BCL7A: variants seen among roughly 807,000 people sequenced by gnomAD.
BCL7A encodes the protein B-cell CLL/lymphoma 7 protein family member A.
BCL7A carries 11 observed loss-of-function variants against 28.4 expected under a neutral mutation model. The ratio of observed to expected loss-of-function variants is 0.39; its 90% confidence interval spans 0.24 to 0.64. BCL7A has a LOEUF of 0.64. Among genes scored for constraint, BCL7A ranks in the 30% least tolerant of loss-of-function variants. The pLI, the probability that BCL7A is intolerant of heterozygous loss-of-function variation, is 0.50. For synonymous variants in BCL7A, 123 were observed against 103.3 expected, an observed-to-expected ratio of 1.19 and a Z score of -1.15; for missense variants, 222 against 274.8, an observed-to-expected ratio of 0.81 and a Z score of 1.36.
chr12:122,044,153 C>T (rs766631450), intron 4 of BCL7A, 100 bp downstream of exon 4: 1 of 1,370,026 alleles, frequency 7.3e-7, no homozygotes, highest in Admixed American at 2.5e-5. Context: ...ATGTGCCAGC[C>T]CCAGCAAGGA....
chr12:122,054,134 T>A (rs757983755), intron 4 of BCL7A, among the ~76,000 whole-genome samples: 1 of 152,302 alleles, frequency 6.6e-6, no homozygotes, highest in East Asian at 1.9e-4. Context: ...ACCCAAGCTT[T>A]AGTGCAGTGG....
chr12:122,051,388 C>A (rs1884188468), intron 4 of BCL7A, among the ~76,000 whole-genome samples: 1 of 152,236 alleles, frequency 6.6e-6, no homozygotes, highest in South Asian at 2.1e-4. Flanking sequence ...GTTGACCTTG[C>A]TTTGAACTTG....
At position 122,061,164 on chromosome 12, in the gene BCL7A, G is replaced by A. The variant is rs1170829383; in HGVS notation, c.*2001G>A. On this transcript the variant is annotated 3_prime_UTR_variant, in exon 6 of 6. Coordinates refer to ENST00000261822, the MANE Select transcript of BCL7A (RefSeq NM_001024808.3). ...TCCATCTTGGTGAGAGATGAATTTG[G>A]ATATTTATTTCCTTCTCTGTTTTTG... is the stretch of plus-strand genomic sequence containing the variant. The A allele has an allele frequency of 8.8e-6, 2 of 226,396 alleles. No homozygotes were observed. Among genetic ancestry groups the A allele is most frequent in the Admixed American group, 5.7e-5 (1 of 17,552 alleles). 14.0% of individuals were successfully genotyped at this position (226,396 alleles called of 1,614,324 possible).
chr12:122,026,806 C>A (rs1047762119), intron 1 of BCL7A, among the ~76,000 whole-genome samples: 1 of 152,168 alleles, frequency 6.6e-6, no homozygotes, highest in Admixed American at 6.5e-5. Flanking sequence ...TGGTGGGTAA[C>A]CCTAAGATGG....
chr12:122,023,379 GGGATGTTTA>G (rs2135834476), intron 1 of BCL7A, among the ~76,000 whole-genome samples: 1 of 152,338 alleles, frequency 6.6e-6, no homozygotes, highest in African/African-American at 2.4e-5. Flanking sequence ...CCTGTGGCAG[GGGATGTTTA>G]CGTTTGGGGG....
intron 4 of BCL7A, among the ~76,000 whole-genome samples, chr12:122,053,795 C>G (rs922143317): frequency 2.0e-5 from 3 of 150,236 alleles, no homozygotes; most frequent in Non-Finnish European, 4.4e-5. Flanking sequence ...GTTCATTCTA[C>G]TGGCGATTCC....
At chr12:122,023,815 A>G (rs532276647) in intron 1 of BCL7A, among the ~76,000 whole-genome samples, 1 of 152,200 alleles carries the variant, frequency 6.6e-6, no homozygotes, top group Non-Finnish European at 1.5e-5. Flanking sequence ...CCCCGCGGGA[A>G]GCCCGGAGTT....
chr12:122,049,051 TATACATATAC>T (rs1345060272), intron 4 of BCL7A, among the ~76,000 whole-genome samples: 3 of 116,906 alleles, frequency 2.6e-5, no homozygotes, highest in African/African-American at 1.1e-4. Context: ...TATATATATA[TATACATATAC>T]ACACACACAA....
rs28643366 is a variant in BCL7A at position 122,061,195 on chromosome 12, C to G, written c.*2032C>G. 1.8e-5 allele frequency: 4 copies of G among 227,798 alleles called. No individual in the cohort carries two copies. Among genetic ancestry groups the G allele is most frequent in the Admixed American group, 5.7e-5 (1 of 17,554 alleles). 14.1% of individuals were successfully genotyped at this position (227,798 alleles called of 1,614,324 possible). A position where few individuals can be genotyped will look rare whatever the true frequency, so the allele number is the denominator to read the frequency against. ...TATTTCCTTCTCTGTTTTTGGGAAA[C>G]GAGAGGCTACAACCAAGACAGCTGA... On this transcript the variant is annotated 3_prime_UTR_variant, in exon 6 of 6. Coordinates refer to ENST00000261822, the MANE Select transcript of BCL7A (RefSeq NM_001024808.3).
chr12:122,048,423 T>C (rs1192139110), intron 4 of BCL7A, among the ~76,000 whole-genome samples: 1 of 152,042 alleles, frequency 6.6e-6, no homozygotes, highest in African/African-American at 2.4e-5. Context: ...GGAATGCTTC[T>C]TGGAGGAGTT....
chr12:122,045,106 C>T (rs1002824117), intron 4 of BCL7A, among the ~76,000 whole-genome samples: 9 of 152,008 alleles, frequency 5.9e-5, no homozygotes, highest in South Asian at 2.1e-4. Flanking sequence ...GGGCACCAGG[C>T]GCGGTGGCTC....
intron 1 of BCL7A, among the ~76,000 whole-genome samples, chr12:122,023,941 G>A (rs1167030201): frequency 6.6e-6 from 1 of 152,206 alleles, no homozygotes; most frequent in South Asian, 2.1e-4. Flanking sequence ...TTCTCTGCTC[G>A]AGGAGGCGTG....
chr12:122,028,649 T>A (rs758889856), intron 1 of BCL7A, among the ~76,000 whole-genome samples: 1 of 152,156 alleles, frequency 6.6e-6, no homozygotes, highest in Non-Finnish European at 1.5e-5. Context: ...CTAATTCTCT[T>A]CTGCCACTTC....
At position 122,054,882 on chromosome 12, in the gene BCL7A, T is replaced by C. The variant is rs766268674; in HGVS notation, c.517T>C (p.Ser173Pro). The change falls in exon 5 of 6, where the codon TCT (serine) becomes CCT (proline). Residue 173 changes from serine to proline, a missense_variant. This residue lies in a region of BCL7A where 155 missense variants were observed against 145.7 expected (regional missense o/e 1.06). Transcript: ENST00000261822. ...CTCAGAGAAAGTAGATCGGCAGCCG[T>C]CTGGAGACTCGGGTCTGGCCGCAGA... ...NSSEKVDRQP[S>P]GDSGLAAETS... 2 of 1,614,096 alleles carry C rather than the reference T, an allele frequency of 1.2e-6. No individual in the cohort carries two copies. Among genetic ancestry groups the C allele is most frequent in the Non-Finnish European group, 1.7e-6 (2 of 1,180,022 alleles).
chr12:122,031,658 C>G (rs761978184), intron 2 of BCL7A, among the ~76,000 whole-genome samples: 1 of 152,206 alleles, frequency 6.6e-6, no homozygotes, highest in Non-Finnish European at 1.5e-5. Flanking sequence ...GTTCTCTCTG[C>G]GCTTGGAGAG....
chr12:122,041,696 C>A (rs756389822), intron 3 of BCL7A, among the ~76,000 whole-genome samples: 3 of 152,082 alleles, frequency 2.0e-5, no homozygotes, highest in African/African-American at 7.2e-5. Context: ...CCTAGGAGTT[C>A]GAGGCTGCAG....
chr12:122,050,449 A>G (rs1430912666), intron 4 of BCL7A, among the ~76,000 whole-genome samples: 2 of 152,202 alleles, frequency 1.3e-5, no homozygotes, highest in Non-Finnish European at 2.9e-5. Context: ...GCTTTGCCAT[A>G]GCCTTCGCTG....
At chr12:122,024,308 G>A (rs1311923768) in intron 1 of BCL7A, among the ~76,000 whole-genome samples, 1 of 152,322 alleles carries the variant, frequency 6.6e-6, no homozygotes, top group African/African-American at 2.4e-5. Context: ...GTGACCCGGG[G>A]TTTTGTGCTT....
intron 1 of BCL7A, among the ~76,000 whole-genome samples, chr12:122,030,338 C>T (rs934348604): frequency 2.0e-5 from 3 of 152,236 alleles, no homozygotes; most frequent in Non-Finnish European, 4.4e-5. Flanking sequence ...CTGAAGCCCT[C>T]TCTGCTGCCC....
Sources: allele counts gnomAD v4.1 joint callset (sites outside exome capture counted in the v4.1 genomes callset), GRCh38; gene constraint gnomAD v4.1.1; regional missense constraint gnomAD v4.1.1; transcripts MANE v1.5; gene names NCBI Gene and HGNC (gene_info 2026-07-23, HGNC 2026-07-21).